Variants in FAM98B observed in about 807,000 individuals in gnomAD.
The protein encoded by FAM98B is tRNA splicing ligase complex subunit 3B.
FAM98B carries 32 observed loss-of-function variants against 43.9 expected under a neutral mutation model. That is an observed-to-expected ratio of 0.73 (90% CI 0.55 to 0.98). FAM98B has a LOEUF of 0.98. FAM98B is among the 50% of genes least tolerant of loss of function. FAM98B has a pLI of 0.00. For missense variants in FAM98B, 514 were observed against 522.9 expected (o/e 0.98, Z 0.17); for synonymous variants, 190 against 174.0 (o/e 1.09, Z -0.72).
At chr15:38,464,238 A>G in intron 2 of FAM98B, 61 bp downstream of exon 2, 1 of 1,474,798 alleles carries the variant, frequency 6.8e-7, no homozygotes, top group Non-Finnish European at 9.1e-7. Context: ...CTTACGGTTT[A>G]TAGTTTTATC....
In FAM98B at chr15:38,481,328, A is replaced by G. The variant is rs1417500392; in HGVS notation, c.766A>G (p.Lys256Glu). ...TGATATAGCAAGAATTTATCAGCCT[A>G]AGCGTTATGCTTTGTCACCCAAGAC... ...TDDIARIYQP[K>E]RYALSPKTTI... The change falls in exon 7 of 8, where the codon AAG becomes GAG. Residue 256 changes from lysine to glutamate, a missense_variant. Around this residue, in one of 2 missense-constraint regions of FAM98B, gnomAD observed 469 missense variants for 451.8 expected, o/e 1.04. Transcript: ENST00000397609. The G allele has an allele frequency of 3.1e-6, 5 of 1,614,014 alleles. No homozygotes were observed. The highest frequency in any genetic ancestry group is 4.2e-6 in the Non-Finnish European group (5 of 1,180,016).
chr15:38,454,288 C>G (rs927320571), intron 1 of FAM98B, 56 bp downstream of exon 1: 1 of 1,538,616 alleles, frequency 6.5e-7, no homozygotes, highest in Non-Finnish European at 8.8e-7. Flanking sequence ...CTTGGCCTGG[C>G]TGCTTAGCCT....
intron 1 of FAM98B, among the ~76,000 whole-genome samples, chr15:38,457,086 G>C (rs1229685312): frequency 6.6e-6 from 1 of 152,246 alleles, no homozygotes; most frequent in African/African-American, 2.4e-5. Context: ...GTCTGTGAAA[G>C]AAATGATGGT....
In FAM98B at chr15:38,470,275, A is replaced by G. The variant is rs778507893; in HGVS notation, c.401A>G (p.Lys134Arg). ...GCTTCACAGATATTACAGAACAAGA[A>G]ACATAAAAATTCTCAATTAGATAAA... is the stretch of plus-strand genomic sequence containing the variant. ...LQASQILQNK[K>R]HKNSQLDKNS... The change falls in exon 4 of 8, where the codon AAA becomes AGA. Residue 134 changes from lysine to arginine, a missense_variant. Coordinates refer to ENST00000397609, the MANE Select transcript of FAM98B (RefSeq NM_173611.4). The G allele has an allele frequency of 8.2e-6, 13 of 1,580,324 alleles. No individual in the cohort carries two copies. Among genetic ancestry groups the G allele is most frequent in the Middle Eastern group, 1.8e-4 (1 of 5,510 alleles).
intron 1 of FAM98B, among the ~76,000 whole-genome samples, chr15:38,455,429 T>A (rs1236243599): frequency 6.6e-6 from 1 of 151,616 alleles, no homozygotes; most frequent in Non-Finnish European, 1.5e-5. Context: ...AAAACTGCAT[T>A]TGCCCCTCTA....
chr15:38,457,411 A>G lies in FAM98B; in HGVS notation c.71+3179A>G, dbSNP rs78400889. Among the ~76,000 whole-genome samples the G allele has an allele frequency of 5.2e-3, 797 of 152,276 alleles. 9 individuals carry two copies. Among genetic ancestry groups the G allele is most frequent in the African/African-American group, 0.019 (770 of 41,536 alleles). ...ATACAGAAGAATGTGAAGATAGGAG[A>G]GAGTTGGTAAATATGGAGAATGCAG... On this transcript the variant is annotated intron_variant, in intron 1 of 7. Coordinates refer to ENST00000397609, the MANE Select transcript of FAM98B (RefSeq NM_173611.4).
chr15:38,462,531 C>T (rs547136395), intron 1 of FAM98B, among the ~76,000 whole-genome samples: 27 of 151,992 alleles, frequency 1.8e-4, no homozygotes, highest in Non-Finnish European at 3.5e-4. Flanking sequence ...TACAGGAATA[C>T]GTCGTAAATA....
At chr15:38,471,988 T>C (rs561829710) in intron 4 of FAM98B, among the ~76,000 whole-genome samples, 11 of 152,276 alleles carry the variant, frequency 7.2e-5, no homozygotes, top group African/African-American at 2.6e-4. Context: ...CCCTGTGTTG[T>C]ATTACCTAGA....
At chr15:38,457,174 A>C (rs895355977) in intron 1 of FAM98B, among the ~76,000 whole-genome samples, 1 of 152,124 alleles carries the variant, frequency 6.6e-6, no homozygotes, top group African/African-American at 2.4e-5. Flanking sequence ...TCAAGGATTC[A>C]TTTCTCTTTA....
At position 38,465,826 on chromosome 15, in the gene FAM98B, G is replaced by C. The variant is rs144616886; in HGVS notation, c.352+423G>C. ...GCTCTGGATACTAGGGATATATGAG[G>C]GTTGCTTGTTTTGTTTTTTTTTAAA... On this transcript the variant is annotated intron_variant, in intron 3 of 7. Coordinates refer to ENST00000397609, the MANE Select transcript of FAM98B (RefSeq NM_173611.4). Among the ~76,000 whole-genome samples the C allele has an allele frequency of 8.8e-3, 1,333 of 151,926 alleles. 14 individuals are homozygous for C. Among genetic ancestry groups the C allele is most frequent in the Non-Finnish European group, 0.012 (832 of 67,946 alleles).
chr15:38,477,300 T>A (rs1426038755), intron 6 of FAM98B, among the ~76,000 whole-genome samples: 1 of 150,792 alleles, frequency 6.6e-6, no homozygotes, highest in Non-Finnish European at 1.5e-5. Flanking sequence ...TAAACCTCAT[T>A]TTTTTTTCCT....
intron 1 of FAM98B, among the ~76,000 whole-genome samples, chr15:38,454,635 A>T (rs558492597): frequency 2.4e-4 from 36 of 152,208 alleles, no homozygotes. Flanking sequence ...GTCTCCTACA[A>T]TGTACAACTT....
intron 3 of FAM98B, 141 bp from the exon 4 acceptor site, chr15:38,470,086 C>G (rs1460263060): frequency 1.4e-6 from 1 of 702,690 alleles, no homozygotes; most frequent in African/African-American, 1.8e-5. Flanking sequence ...GTACAGTGTT[C>G]TACAACTGTT....
chr15:38,456,310 G>T (rs929167076), intron 1 of FAM98B, among the ~76,000 whole-genome samples: 1 of 152,200 alleles, frequency 6.6e-6, no homozygotes, highest in Non-Finnish European at 1.5e-5. Flanking sequence ...CATCAGAGTC[G>T]TGTGGAACTT....
At chr15:38,478,181 G>T (rs1174344498) in intron 6 of FAM98B, among the ~76,000 whole-genome samples, 2 of 152,182 alleles carry the variant, frequency 1.3e-5, no homozygotes, top group Non-Finnish European at 2.9e-5. Context: ...TCATGGGCAT[G>T]TTTGACCCCT....
At chr15:38,481,587 A>G (rs780928732) in intron 7 of FAM98B, 128 bp downstream of exon 7, 1 of 1,608,778 alleles carries the variant, frequency 6.2e-7, no homozygotes, top group African/African-American at 1.3e-5. Context: ...AGGGGGGTTC[A>G]GTCTAGGCTT....
chr15:38,469,107 TGTTGGCCAAGCTG>T (rs1460722509), intron 3 of FAM98B, among the ~76,000 whole-genome samples: 1 of 152,118 alleles, frequency 6.6e-6, no homozygotes, highest in Non-Finnish European at 1.5e-5. Context: ...GGTTTCACCA[TGTTGGCCAAGCTG>T]GTCTTAAGCT....
intron 5 of FAM98B, 23 bp downstream of exon 5, chr15:38,473,608 A>C (rs752908526): frequency 6.4e-7 from 1 of 1,572,082 alleles, no homozygotes; most frequent in Non-Finnish European, 8.7e-7. Context: ...TTTTGTTATT[A>C]GTTTTATGTA....
At chr15:38,454,287 G>A in intron 1 of FAM98B, 55 bp downstream of exon 1, 1 of 1,548,856 alleles carries the variant, frequency 6.5e-7, no homozygotes, top group South Asian at 1.2e-5. Flanking sequence ...CCTTGGCCTG[G>A]CTGCTTAGCC....
Sources: gnomAD v4.1 joint callset for allele counts (sites outside exome capture counted in the v4.1 genomes callset) on GRCh38, gnomAD v4.1.1 for gene constraint, gnomAD v4.1.1 regional missense constraint, MANE v1.5 for transcripts, NCBI Gene and HGNC (gene_info 2026-07-23, HGNC 2026-07-21) for gene names.